Variants in EPHA8 observed in about 807,000 individuals in gnomAD.
EPHA8 encodes EPH receptor A8, also known as ephrin type-A receptor 8.
EPHA8 carries 58 observed loss-of-function variants against 103.6 expected under a neutral mutation model. The observed-to-expected ratio is 0.56, with a 90% confidence interval of 0.45 to 0.70. The LOEUF (loss-of-function observed/expected upper bound fraction) is 0.70, where lower values mean the gene tolerates loss of function less well. EPHA8 is among the 30% of genes least tolerant of loss of function. The probability of loss-of-function intolerance (pLI) is 0.00; values close to 1 mark genes in which losing one functional copy is unlikely to be tolerated. For missense variants in EPHA8, 1,304 were observed against 1,395.2 expected (o/e 0.93, Z 1.04); for synonymous variants, 559 against 572.5 (o/e 0.98, Z 0.34).
intron 3 of EPHA8, among the ~76,000 whole-genome samples, chr1:22,581,888 C>T (rs1280316743): frequency 6.6e-6 from 1 of 152,196 alleles, no homozygotes; most frequent in Non-Finnish European, 1.5e-5. Flanking sequence ...TTCTCAGCCC[C>T]GTTGGTGGCT....
rs894248039 is a variant in EPHA8, at chr1:22,597,705, C to T, written c.1960C>T (p.Leu654=). Residue 654 remains leucine (L), a synonymous_variant, in exon 11 of 17, where the codon CTG becomes TTG. Transcript: ENST00000166244. The surrounding 1 kb of genome is among the most constrained non-coding windows in gnomAD (Gnocchi z 4.6). ...GDSGEVCYGR[L]RVPGQRDVPV... ...CTCCGGGGAAGTCTGCTACGGGAGGCTGCGGGTGCCAGGGCAGCGGGATGT... is the reference window on the plus strand; with the variant it reads ...CTCCGGGGAAGTCTGCTACGGGAGGTTGCGGGTGCCAGGGCAGCGGGATGT... The T allele has an allele frequency of 3.1e-6, 5 of 1,611,668 alleles. No homozygotes were observed. In the African/African-American group the frequency reaches 6.7e-5, roughly 22 times the overall value.
intron 9 of EPHA8, among the ~76,000 whole-genome samples, chr1:22,596,395 C>G (rs1157723790): frequency 6.6e-6 from 1 of 152,200 alleles, no homozygotes; most frequent in Non-Finnish European, 1.5e-5. Flanking sequence ...GAGATCCTCT[C>G]CCCAGGGAAG....
chr1:22,574,140 G>A (rs1476386770), intron 2 of EPHA8, among the ~76,000 whole-genome samples: 2 of 152,152 alleles, frequency 1.3e-5, no homozygotes, highest in Admixed American at 1.3e-4. Context: ...CACCACGCCC[G>A]GCCAACTTTT....
chr1:22,590,178 G>A (rs10917263), intron 5 of EPHA8, among the ~76,000 whole-genome samples: 14,161 of 152,210 alleles, frequency 0.093, 745 homozygotes, highest in Non-Finnish European at 0.12. Flanking sequence ...GCAACACAGA[G>A]AGAGAGTGAG....
rs114480562 is a variant in EPHA8 at position 22,598,824 on chromosome 1, A to G, written c.2179-14A>G. ...GCCGGGCTTTCCTGAAGTCCAAGCC[A>G]TGTCCCCCTGCAGACCCACGACGGG... is the stretch of plus-strand genomic sequence containing the variant. On this transcript the variant is annotated splice_polypyrimidine_tract_variant and intron_variant, in intron 12 of 16. Transcript: ENST00000166244. This position sits in a 1 kb window ranked among gnomAD's most constrained non-coding sequence, Gnocchi z 5.1. 1,170 of 1,610,268 alleles carry G rather than the reference A, an allele frequency of 7.3e-4. 9 individuals carry two copies. In the African/African-American group the frequency reaches 0.014, roughly 19 times the overall value.
In EPHA8 at chr1:22,597,799, C is replaced by T. The variant is rs201485535; in HGVS notation, c.2054C>T (p.Ala685Val). ...ERQRRDFLSE[A>V]SIMGQFDHPN... ...CAGAGGCGGGACTTCCTGAGCGAGGCGTCCATCATGGGGCAATTCGACCAT... is the reference window on the plus strand; with the variant it reads ...CAGAGGCGGGACTTCCTGAGCGAGGTGTCCATCATGGGGCAATTCGACCAT... The change falls in exon 11 of 17, where the codon GCG becomes GTG. Residue 685 changes from alanine to valine, a missense_variant. By Grantham distance (64) the Ala-to-Val change is moderately conservative. Transcript: ENST00000166244. This position sits in a 1 kb window ranked among gnomAD's most constrained non-coding sequence, Gnocchi z 4.6. 5.9e-5 allele frequency: 95 copies of T among 1,613,102 alleles called. No homozygotes were observed. The highest frequency in any genetic ancestry group is 5.7e-4 in the African/African-American group (43 of 75,042).
chr1:22,577,597 G>A (rs1490682146), intron 3 of EPHA8, among the ~76,000 whole-genome samples: 1 of 152,078 alleles, frequency 6.6e-6, no homozygotes, highest in Non-Finnish European at 1.5e-5. Flanking sequence ...ATCTTATCAG[G>A]GACCTGTGTG....
At position 22,576,430 on chromosome 1, in the gene EPHA8, T is replaced by C; in HGVS notation, c.373T>C (p.Tyr125His). 2 of 1,613,988 alleles carry C rather than the reference T, an allele frequency of 1.2e-6. No individual in the cohort carries two copies. Among genetic ancestry groups the C allele is most frequent in the Non-Finnish European group, 1.7e-6 (2 of 1,180,034 alleles). The part of the protein sequence containing the change: ...LGTCKETFNL[Y>H]YLESDRDLGA... ...CACCTGCAAGGAGACCTTCAACCTC[T>C]ACTACCTGGAGTCGGACCGCGACCT... The change falls in exon 3 of 17, where the codon TAC (tyrosine) becomes CAC (histidine). Residue 125 changes from tyrosine (Y) to histidine (H), a missense_variant. Tyr to His is a moderately conservative substitution (Grantham distance 83). Coordinates refer to ENST00000166244, the MANE Select transcript of EPHA8 (RefSeq NM_020526.5). This position sits in a 1 kb window ranked among gnomAD's most constrained non-coding sequence, Gnocchi z 4.8.
At chr1:22,579,629 G>A (rs1310519885) in intron 3 of EPHA8, among the ~76,000 whole-genome samples, 2 of 152,120 alleles carry the variant, frequency 1.3e-5, no homozygotes, top group Non-Finnish European at 2.9e-5. Flanking sequence ...GCTTCTCTCC[G>A]TCGTTTTCTT....
intron 1 of EPHA8, among the ~76,000 whole-genome samples, chr1:22,564,038 AGG>A (rs1640279998): frequency 6.6e-6 from 1 of 151,322 alleles, no homozygotes; most frequent in Non-Finnish European, 1.5e-5. Flanking sequence ...GCCGGGGACA[AGG>A]GGACAGGACT....
chr1:22,600,408 C>T (rs1466637514), intron 13 of EPHA8, among the ~76,000 whole-genome samples: 4 of 150,500 alleles, frequency 2.7e-5, no homozygotes. Context: ...GCTGTGGCCC[C>T]TGAGCCCCCT....
rs367678793 is a variant in EPHA8 at position 22,596,202 on chromosome 1, C to T, written c.1765+29C>T. On this transcript the variant is annotated intron_variant, in intron 9 of 16. Transcript: ENST00000166244. ...AGTGCAGGGGCCCGGTGGTCTGGGG[C>T]AGAGGGAAGGCCACAGGGGGACCCA... 2.0e-5 allele frequency: 32 copies of T among 1,609,014 alleles called. No individual in the cohort carries two copies. The African/African-American group carries it at 4.3e-4, about 22-fold the overall frequency.
At position 22,600,882 on chromosome 1, in the gene EPHA8, C is replaced by T. The variant is rs368103362; in HGVS notation, c.2539-16C>T. The T allele has an allele frequency of 1.2e-4, 193 of 1,595,324 alleles. 1 individual carries two copies. The East Asian group carries it at 3.9e-3, about 32-fold the overall frequency. On this transcript the variant is annotated splice_polypyrimidine_tract_variant and intron_variant, in intron 14 of 16. Coordinates refer to ENST00000166244, the MANE Select transcript of EPHA8 (RefSeq NM_020526.5). ...TGCAGGGAGGGACGGCTGAGCCCAG[C>T]GCTGATCCCCTGCAGGTCATCAGCT...
In EPHA8 at chr1:22,586,582, G is replaced by A; in HGVS notation, c.926G>A (p.Cys309Tyr). The stretch of plus-strand genomic sequence containing the variant: ...GCTCCAGCCGCCCAAGCCTGCCACT[G>A]TGACCTCAGCTACTACCGTGCAGCC... The part of the protein sequence containing the change: ...SAAPAAQACH[C>Y]DLSYYRAALD... The change falls in exon 4 of 17, where the codon TGT (cysteine) becomes TAT (tyrosine). Residue 309 changes from cysteine to tyrosine, a missense_variant. By Grantham distance (194) the Cys-to-Tyr change is radical. Transcript: ENST00000166244. 1 of 1,613,994 alleles carries A rather than the reference G, an allele frequency of 6.2e-7. No homozygotes were observed. The highest frequency in any genetic ancestry group is 8.5e-7 in the Non-Finnish European group (1 of 1,179,984).
intron 3 of EPHA8, among the ~76,000 whole-genome samples, chr1:22,579,329 CCATGTGTG>C (rs1247652224): frequency 6.9e-6 from 1 of 145,154 alleles, no homozygotes; most frequent in Non-Finnish European, 1.5e-5. Flanking sequence ...ATGCATGTGT[CCATGTGTG>C]CATGAGTGTA....
At chr1:22,601,600 C>T (rs763906771) in intron 16 of EPHA8, 27 bp from the exon 17 acceptor site, 1 of 1,582,194 alleles carries the variant, frequency 6.3e-7, no homozygotes, top group Non-Finnish European at 8.6e-7. Flanking sequence ...CCAGGCCCAG[C>T]TGGCCAGCAG....
Position 22,599,032 on chromosome 1 carries a change from T to C in EPHA8, c.2373T>C (p.Ala791=), listed in dbSNP as rs749781189. 3.7e-6 allele frequency: 6 copies of C among 1,606,886 alleles called. No homozygotes were observed. In the East Asian group the frequency reaches 1.3e-4, roughly 36 times the overall value. Residue 791 remains alanine, a synonymous_variant, in exon 13 of 17, where the codon GCT becomes GCC. Coordinates refer to ENST00000166244, the MANE Select transcript of EPHA8 (RefSeq NM_020526.5). ...GGGTGCTGGAGGACGACCCGGATGC[T>C]GCCTACACCACCACGGTGCGTCGCC... The part of the protein sequence containing the change: ...LSRVLEDDPD[A]AYTTTGGKIP...
In EPHA8 at chr1:22,576,131, C is replaced by T. The variant is rs1375118699; in HGVS notation, c.160-86C>T. The T allele has an allele frequency of 1.4e-5, 20 of 1,449,734 alleles. No homozygotes were observed. Among genetic ancestry groups the T allele is most frequent in the African/African-American group, 4.3e-5 (3 of 70,104 alleles). 89.8% of individuals were successfully genotyped at this position (1,449,734 alleles called of 1,614,324 possible). ...GCTCCTTTGTCTTTTTTTTTGCCAG[C>T]GTCCCCAGCACAGAACACAGGGTCA... On this transcript the variant is annotated intron_variant, in intron 2 of 16. Coordinates refer to ENST00000166244, the MANE Select transcript of EPHA8 (RefSeq NM_020526.5). This position sits in a 1 kb window ranked among gnomAD's most constrained non-coding sequence, Gnocchi z 4.8.
At chr1:22,593,116 G>T (rs908487650) in intron 5 of EPHA8, among the ~76,000 whole-genome samples, 1 of 152,166 alleles carries the variant, frequency 6.6e-6, no homozygotes, top group African/African-American at 2.4e-5. Flanking sequence ...ACCATGCCAG[G>T]CCACGCCAAC....
Sources: allele counts gnomAD v4.1 joint callset (sites outside exome capture counted in the v4.1 genomes callset), GRCh38; gene constraint gnomAD v4.1.1; non-coding constraint Gnocchi (gnomAD v3.1); transcripts MANE v1.5; gene names NCBI Gene and HGNC (gene_info 2026-07-23, HGNC 2026-07-21).